SPEG: variants seen among roughly 807,000 people sequenced by gnomAD.
SPEG encodes the protein striated muscle preferentially expressed protein kinase.
In SPEG, 114 loss-of-function variants were observed where a neutral mutation model predicts 300.4. That is an observed-to-expected ratio of 0.38 (90% CI 0.33 to 0.44). The LOEUF (loss-of-function observed/expected upper bound fraction) is 0.44, where lower values mean the gene tolerates loss of function less well. SPEG is among the 20% of genes least tolerant of loss of function. SPEG has a pLI of 1.00. For synonymous variants in SPEG, 1,964 were observed against 2,018.9 expected (o/e 0.97, Z 0.73); for missense variants, 4,201 against 4,586.2 (o/e 0.92, Z 2.43).
At chr2:219,437,089 A>G (rs887939764) in intron 1 of SPEG, among the ~76,000 whole-genome samples, 1 of 152,158 alleles carries the variant, frequency 6.6e-6, no homozygotes, top group Non-Finnish European at 1.5e-5. Context: ...AGCTCTGCCT[A>G]AGACGTACTA....
chr2:219,462,416 A>C, intron 8 of SPEG, 30 bp downstream of exon 8: 14 of 1,515,458 alleles, frequency 9.2e-6, no homozygotes, highest in Middle Eastern at 1.7e-4. Context: ...ACCACCCACC[A>C]GCGACTCTAT....
intron 38 of SPEG, 71 bp downstream of exon 38, chr2:219,491,027 C>A: frequency 8.4e-7 from 1 of 1,191,542 alleles, no homozygotes; most frequent in Non-Finnish European, 1.2e-6. Flanking sequence ...GGGCTCACCC[C>A]ACTTCACTTA....
Position 219,484,935 on chromosome 2 carries a change from T to C in SPEG, c.7472T>C (p.Leu2491Pro). The C allele has an allele frequency of 6.5e-7, 1 of 1,529,122 alleles. No homozygotes were observed. The highest frequency in any genetic ancestry group is 8.7e-7 in the Non-Finnish European group (1 of 1,144,432). 94.7% of individuals were successfully genotyped at this position (1,529,122 alleles called of 1,614,324 possible). Residue 2491 changes from leucine to proline, a missense_variant, in exon 30 of 41, where the codon CTT (leucine) becomes CCT (proline). This residue lies in a region of SPEG where 1,578 missense variants were observed against 1,506.0 expected (regional missense o/e 1.05). Transcript: ENST00000312358. ...CGCAGCACGCCGCTGTTCGGACGGC[T>C]TCGCAGGGCCACGTCCGAGGGCGAG... Reference protein sequence around the residue: ...SGRSTPLFGRLRRATSEGESL... With the variant: ...SGRSTPLFGRPRRATSEGESL...
chr2:219,461,258 C>G (rs1310989030), intron 6 of SPEG: 32 of 985,816 alleles, frequency 3.2e-5, no homozygotes, highest in South Asian at 4.7e-5. Context: ...TTTCCTATCC[C>G]TCGAGCGTTT....
At chr2:219,435,838 G>T (rs939098705) in intron 1 of SPEG, among the ~76,000 whole-genome samples, 1 of 152,224 alleles carries the variant, frequency 6.6e-6, no homozygotes, top group African/African-American at 2.4e-5. Flanking sequence ...CTCCCTGCAG[G>T]CCATTGCCGT....
chr2:219,489,295 T>G, intron 35 of SPEG, 41 bp from the exon 36 acceptor site: 1 of 1,613,508 alleles, frequency 6.2e-7, no homozygotes, highest in Non-Finnish European at 8.5e-7. Flanking sequence ...ACCATGGCCT[T>G]GCCCCAAGGC....
chr2:219,465,808 T>TGTGTGC (rs1394642709), intron 9 of SPEG: 7 of 590,988 alleles, frequency 1.2e-5, no homozygotes, highest in Non-Finnish European at 2.1e-5. Context: ...TGTGCGTGCA[T>TGTGTGC]GTGTGCGTGT....
Position 219,483,284 on chromosome 2 carries a change from C to A in SPEG, c.5821C>A (p.Pro1941Thr). Residue 1941 changes from proline (P) to threonine (T), a missense_variant, in exon 30 of 41, where the codon CCC becomes ACC. Pro to Thr is a conservative substitution (Grantham distance 38, BLOSUM62 -1). Around this residue, in one of 4 missense-constraint regions of SPEG, gnomAD observed 1,578 missense variants for 1,506.0 expected, o/e 1.05. Coordinates refer to ENST00000312358, the MANE Select transcript of SPEG (RefSeq NM_005876.5). ...ELPSVPRPLQ[P>T]EFSGSRVSLT... is the part of the protein sequence containing the mutation. ...GCCCTCAGTGCCCCGCCCACTGCAG[C>A]CCGAGTTCTCTGGCTCCCGGGTGTC... 3.1e-6 allele frequency: 5 copies of A among 1,606,948 alleles called. No individual in the cohort carries two copies. The highest frequency in any genetic ancestry group is 1.1e-5 in the South Asian group (1 of 90,182).
rs1694128176 is a variant in SPEG, at chr2:219,493,184, C to G, written c.*398C>G. The G allele has an allele frequency of 2.5e-6, 1 of 402,260 alleles. No individual in the cohort carries two copies. The highest frequency in any genetic ancestry group is 3.3e-5 in the Admixed American group (1 of 30,174). 24.9% of individuals were successfully genotyped at this position (402,260 alleles called of 1,614,324 possible). On this transcript the variant is annotated 3_prime_UTR_variant, in exon 41 of 41. Transcript: ENST00000312358. ...GCTGGAGAGGAGGAAAAGGAAGGAG[C>G]CCCAGGTGTCAGGGCAGTAGGCTGG... is the stretch of plus-strand genomic sequence containing the variant.
At position 219,435,257 on chromosome 2, in the gene SPEG, T is replaced by A. The variant is rs1296284238; in HGVS notation, c.280T>A (p.Trp94Arg). Residue 94 changes from tryptophan (W) to arginine (R), a missense_variant, in exon 1 of 41, where the codon TGG becomes AGG. Trp to Arg is a moderately radical substitution (Grantham distance 101, BLOSUM62 -3). Around this residue, in one of 4 missense-constraint regions of SPEG, gnomAD observed 1,258 missense variants for 1,293.9 expected, o/e 0.97. Transcript: ENST00000312358. ...PAPAPEPSCL[W>R]LRRCGAQDAG... ...GCCGGCCCCCGAGCCCAGCTGCCTG[T>A]GGCTGCGGCGCTGCGGGGCGCAGGA... 6.7e-7 allele frequency: 1 copy of A among 1,488,702 alleles called. No individual in the cohort carries two copies. The highest frequency in any genetic ancestry group is 8.9e-7 in the Non-Finnish European group (1 of 1,128,914). The allele number at this position is 1,488,702 out of a possible 1,614,324, so 92.2% of individuals were successfully genotyped here.
At chr2:219,456,155 A>G in intron 6 of SPEG, among the ~76,000 whole-genome samples, 1 of 152,264 alleles carries the variant, frequency 6.6e-6, no homozygotes, top group East Asian at 1.9e-4. Context: ...ATCGAAGCCC[A>G]TTCTGGTCCC....
chr2:219,446,367 G>A (rs1422577534), intron 3 of SPEG, among the ~76,000 whole-genome samples: 2 of 152,166 alleles, frequency 1.3e-5, no homozygotes, highest in African/African-American at 4.8e-5. Flanking sequence ...AGAGCTGCCG[G>A]CAAGAGGCCT....
In SPEG at chr2:219,443,646, G is replaced by C. The variant is rs898639274; in HGVS notation, c.389-1007G>C. 2.6e-5 allele frequency: 8 copies of C among 306,600 alleles called. No homozygotes were observed. Among genetic ancestry groups the C allele is most frequent in the South Asian group, 5.8e-5 (2 of 34,364 alleles). 19.0% of individuals were successfully genotyped at this position (306,600 alleles called of 1,614,324 possible). A position where few individuals can be genotyped will look rare whatever the true frequency, so the allele number is the denominator to read the frequency against. Reference sequence around the variant, plus strand: ...ATGCAGACAGATAAGGGGTTGGTTTGCAAAGAGGGGTCAAAGCACAATGCA... The same window carrying C: ...ATGCAGACAGATAAGGGGTTGGTTTCCAAAGAGGGGTCAAAGCACAATGCA... On this transcript the variant is annotated intron_variant, in intron 1 of 40. Coordinates refer to ENST00000312358, the MANE Select transcript of SPEG (RefSeq NM_005876.5). The surrounding 1 kb of genome is among the most constrained non-coding windows in gnomAD (Gnocchi z 4.6).
chr2:219,439,531 A>G lies in SPEG; in HGVS notation c.388+4166A>G, dbSNP rs192731686. Among the ~76,000 whole-genome samples, 1 of 152,202 alleles carries G rather than the reference A, an allele frequency of 6.6e-6. No homozygotes were observed. The highest frequency in any genetic ancestry group is 2.4e-5 in the African/African-American group (1 of 41,512). The stretch of plus-strand genomic sequence containing the variant: ...GGTGGGAGCTTGTGGCATAGGATGG[A>G]GATTTGGATTTTCTCTGGTTGGAGG... On this transcript the variant is annotated intron_variant, in intron 1 of 40. Transcript: ENST00000312358. This position sits in a 1 kb window ranked among gnomAD's most constrained non-coding sequence, Gnocchi z 4.5.
chr2:219,466,910 C>T (rs1204981367), intron 9 of SPEG: 13 of 1,171,890 alleles, frequency 1.1e-5, no homozygotes, highest in Middle Eastern at 3.2e-4. Context: ...TCTGCCACCA[C>T]GTGGCCCTCT....
At chr2:219,453,563 C>T (rs780213974) in intron 6 of SPEG, among the ~76,000 whole-genome samples, 12 of 152,242 alleles carry the variant, frequency 7.9e-5, no homozygotes, top group Non-Finnish European at 8.8e-5. Flanking sequence ...AGGCCCATAT[C>T]CTGCAGACCC....
rs1693062575 is a variant in SPEG, at chr2:219,483,499, G to C, written c.6036G>C (p.Arg2012Ser). 7.0e-7 allele frequency: 1 copy of C among 1,428,196 alleles called. No homozygotes were observed. The highest frequency in any genetic ancestry group is 9.1e-7 in the Non-Finnish European group (1 of 1,102,072). The allele number at this position is 1,428,196 out of a possible 1,614,324, so 88.5% of individuals were successfully genotyped here. Reference protein sequence around the residue: ...GASPRRGELRRGSSAESALPR... With the variant: ...GASPRRGELRSGSSAESALPR... ...GCCCCAGGCGGGGAGAGCTCCGCAG[G>C]GGCAGCTCGGCTGAGAGCGCCCTGC... The change falls in exon 30 of 41, where the codon AGG (arginine) becomes AGC (serine). Residue 2012 changes from arginine to serine, a missense_variant. This residue lies in a region of SPEG where 1,578 missense variants were observed against 1,506.0 expected (regional missense o/e 1.05). Transcript: ENST00000312358.
Position 219,476,892 on chromosome 2 carries a change from C to T in SPEG, c.4470C>T (p.Ile1490=). ...ELAEAPRFES[I]MEDVEVGAGE... is the part of the protein sequence containing the mutation. ...CAGAGGCCCCTCGGTTTGAGTCCAT[C>T]ATGGAGGACGTGGAGGTGGGGGCTG... Residue 1490 remains isoleucine (I), a synonymous_variant, in exon 19 of 41, where the codon ATC becomes ATT. Coordinates refer to ENST00000312358, the MANE Select transcript of SPEG (RefSeq NM_005876.5). The T allele has an allele frequency of 1.2e-6, 2 of 1,613,680 alleles. No individual in the cohort carries two copies. Among genetic ancestry groups the T allele is most frequent in the South Asian group, 1.1e-5 (1 of 91,060 alleles).
Position 219,464,815 on chromosome 2 carries a change from G to A in SPEG, c.2881+207G>A, listed in dbSNP as rs896397140. ...CCAAAGCTGCACAGCACATTGTTCC[G>A]TGCTCAGCTTACTACACAACACCAC... On this transcript the variant is annotated intron_variant, in intron 9 of 40. Transcript: ENST00000312358. The surrounding 1 kb of genome is among the most constrained non-coding windows in gnomAD (Gnocchi z 4.5). 4.0e-5 allele frequency: 23 copies of A among 574,584 alleles called. No homozygotes were observed. Among genetic ancestry groups the A allele is most frequent in the East Asian group, 8.8e-5 (3 of 34,278 alleles). The allele number at this position is 574,584 out of a possible 1,614,324, so 35.6% of individuals were successfully genotyped here.
Sources: allele counts gnomAD v4.1 joint callset (sites outside exome capture counted in the v4.1 genomes callset), GRCh38; gene constraint gnomAD v4.1.1; regional missense constraint gnomAD v4.1.1; non-coding constraint Gnocchi (gnomAD v3.1); transcripts MANE v1.5; gene names NCBI Gene and HGNC (gene_info 2026-07-23, HGNC 2026-07-21).